ALPK1: variants seen among roughly 807,000 people sequenced by gnomAD.
ALPK1 encodes the protein alpha kinase 1.
In ALPK1, 110 loss-of-function variants were observed where a neutral mutation model predicts 120.6. That is an observed-to-expected ratio of 0.91 (90% CI 0.78 to 1.07). The LOEUF is 1.07. ALPK1 is among the 50% of genes least tolerant of loss of function. The pLI, the probability that ALPK1 is intolerant of heterozygous loss-of-function variation, is 0.00. For missense variants in ALPK1, 1,498 were observed against 1,483.9 expected, an observed-to-expected ratio of 1.01 and a Z score of -0.16; for synonymous variants, 582 against 560.3, an observed-to-expected ratio of 1.04 and a Z score of -0.55.
chr4:112,438,934 T>A (rs1320621773), intron 13 of ALPK1, among the ~76,000 whole-genome samples: 1 of 152,214 alleles, frequency 6.6e-6, no homozygotes, highest in Non-Finnish European at 1.5e-5. Context: ...ATAATTGTTC[T>A]CCTTTCACTT....
At chr4:112,398,500 T>G (rs927310677) in intron 4 of ALPK1, among the ~76,000 whole-genome samples, 12 of 152,178 alleles carry the variant, frequency 7.9e-5, no homozygotes, top group African/African-American at 2.7e-4. Context: ...GGTCTCCCTA[T>G]GTTGCCCAGG....
intron 2 of ALPK1, among the ~76,000 whole-genome samples, chr4:112,377,445 TG>T (rs1228877821): frequency 6.6e-6 from 1 of 152,162 alleles, no homozygotes; most frequent in African/African-American, 2.4e-5. Context: ...GACGTCACTG[TG>T]GATAGATAAC....
chr4:112,346,386 G>A (rs534153754), intron 2 of ALPK1, among the ~76,000 whole-genome samples: 5 of 152,224 alleles, frequency 3.3e-5, no homozygotes, highest in African/African-American at 1.2e-4. Context: ...ATTCATTGTG[G>A]ATTTATATGG....
chr4:112,309,090 C>T (rs776356575), intron 1 of ALPK1, among the ~76,000 whole-genome samples: 1 of 152,098 alleles, frequency 6.6e-6, no homozygotes, highest in Non-Finnish European at 1.5e-5. Flanking sequence ...AATGTTGCTG[C>T]CTGATCGTTC....
intron 5 of ALPK1, 97 bp from the exon 6 acceptor site, chr4:112,423,847 T>A: frequency 1.7e-6 from 2 of 1,154,572 alleles, no homozygotes; most frequent in South Asian, 1.2e-5. Flanking sequence ...AGGTTACAGT[T>A]CCTGCTGCAA....
At chr4:112,352,187 G>A (rs752425982) in intron 2 of ALPK1, among the ~76,000 whole-genome samples, 28 of 152,150 alleles carry the variant, frequency 1.8e-4, no homozygotes, top group African/African-American at 5.5e-4. Context: ...CATCAAATGC[G>A]GAACAACTAT....
intron 2 of ALPK1, among the ~76,000 whole-genome samples, chr4:112,317,481 G>A (rs766746827): frequency 6.6e-6 from 1 of 152,182 alleles, no homozygotes; most frequent in Non-Finnish European, 1.5e-5. Context: ...TCCCAATACC[G>A]TTTGTTGGAA....
intron 4 of ALPK1, among the ~76,000 whole-genome samples, chr4:112,404,260 T>C (rs1314783984): frequency 6.6e-6 from 1 of 152,270 alleles, no homozygotes; most frequent in Non-Finnish European, 1.5e-5. Flanking sequence ...TGGGAGTCTG[T>C]CTGTGCCTGT....
At position 112,377,660 on chromosome 4, in the gene ALPK1, C is replaced by T; in HGVS notation, c.-100-18C>T. 1.0e-6 allele frequency: 1 copy of T among 981,722 alleles called. No individual in the cohort carries two copies. The allele number at this position is 981,722 out of a possible 1,614,324, so 60.8% of individuals were successfully genotyped here. ...TGATGCTTCAGTTAATCATCTTTCC[C>T]TCTCTTTTGTTCACCAGGTACTTCG... On this transcript the variant is annotated intron_variant, in intron 2 of 15. Transcript: ENST00000650871.
intron 4 of ALPK1, among the ~76,000 whole-genome samples, chr4:112,392,361 T>G (rs1732456923): frequency 1.3e-5 from 2 of 152,196 alleles, no homozygotes; most frequent in South Asian, 4.1e-4. Context: ...CATATCTCAT[T>G]TGTTACCAAA....
chr4:112,386,384 A>T (rs991115940), intron 4 of ALPK1, among the ~76,000 whole-genome samples: 12 of 152,184 alleles, frequency 7.9e-5, no homozygotes, highest in African/African-American at 2.9e-4. Flanking sequence ...ACCTGAAGAG[A>T]TGGGAGATTA....
intron 2 of ALPK1, among the ~76,000 whole-genome samples, chr4:112,329,429 G>T (rs1222564824): frequency 6.6e-6 from 1 of 152,128 alleles, no homozygotes; most frequent in African/African-American, 2.4e-5. Flanking sequence ...TGTTCACTGA[G>T]AACATTACCC....
intron 14 of ALPK1, 24 bp downstream of exon 14, chr4:112,439,896 T>C (rs754775453): frequency 2.6e-6 from 4 of 1,533,548 alleles, no homozygotes; most frequent in Non-Finnish European, 3.5e-6. Context: ...GGAATTATTT[T>C]TATTTTTAAT....
At chr4:112,304,232 C>T (rs1049296689) in intron 1 of ALPK1, among the ~76,000 whole-genome samples, 2 of 152,056 alleles carry the variant, frequency 1.3e-5, no homozygotes, top group African/African-American at 2.4e-5. Flanking sequence ...GTCTTTATAG[C>T]AGCATGATTT....
chr4:112,355,297 TTA>T (rs1323554757), intron 2 of ALPK1, among the ~76,000 whole-genome samples: 2 of 152,186 alleles, frequency 1.3e-5, no homozygotes, highest in South Asian at 2.1e-4. Flanking sequence ...GTTAGTAAAA[TTA>T]TATGTTTCAA....
At chr4:112,410,399 C>T (rs901629301) in intron 4 of ALPK1, among the ~76,000 whole-genome samples, 7 of 152,170 alleles carry the variant, frequency 4.6e-5, no homozygotes, top group Non-Finnish European at 2.9e-5. Flanking sequence ...ATAGAACGTG[C>T]CTCTTAGGAT....
At chr4:112,342,760 A>G (rs1046319638) in intron 2 of ALPK1, among the ~76,000 whole-genome samples, 40 of 152,234 alleles carry the variant, frequency 2.6e-4, no homozygotes, top group Non-Finnish European at 4.4e-5. Flanking sequence ...TAAGAAGTAG[A>G]TACAATTGTT....
chr4:112,406,496 A>C (rs1338930503), intron 4 of ALPK1, among the ~76,000 whole-genome samples: 3 of 152,216 alleles, frequency 2.0e-5, no homozygotes, highest in Non-Finnish European at 4.4e-5. Context: ...CATGCTAAGT[A>C]GTTTGAAGTA....
intron 1 of ALPK1, among the ~76,000 whole-genome samples, chr4:112,298,671 A>C (rs373605836): frequency 3.3e-5 from 5 of 152,180 alleles, no homozygotes; most frequent in East Asian, 3.8e-4. Flanking sequence ...TGTAAAGAAA[A>C]GGCATGTGTA....
Sources: gnomAD v4.1 joint callset for allele counts (sites outside exome capture counted in the v4.1 genomes callset) on GRCh38, gnomAD v4.1.1 for gene constraint, MANE v1.5 for transcripts, NCBI Gene and HGNC (gene_info 2026-07-23, HGNC 2026-07-21) for gene names.